RPH3A: variants seen among roughly 807,000 people sequenced by gnomAD.
The protein encoded by RPH3A is rabphilin-3A.
Under a neutral mutation model 102.2 loss-of-function variants are expected in RPH3A, and 48 were observed. The ratio of observed to expected loss-of-function variants is 0.47; its 90% CI spans 0.37 to 0.60. The LOEUF is 0.60. Among genes scored for constraint, RPH3A ranks in the 20% least tolerant of loss-of-function variants. The probability of loss-of-function intolerance (pLI) is 0.00; values close to 1 mark genes in which losing one functional copy is unlikely to be tolerated. For synonymous variants in RPH3A, 310 were observed against 324.3 expected, an observed-to-expected ratio of 0.96 and a Z score of 0.47; for missense variants, 781 against 910.1, an observed-to-expected ratio of 0.86 and a Z score of 1.83.
intron 5 of RPH3A, among the ~76,000 whole-genome samples, chr12:112,856,504 G>A (rs2042414008): frequency 6.6e-6 from 1 of 152,012 alleles, no homozygotes; most frequent in Non-Finnish European, 1.5e-5. Context: ...GTGTGTGTGT[G>A]TGTGTGTGTA....
At chr12:112,682,351 CTTTCTTTTT>C (rs1383186817) in intron 1 of RPH3A, among the ~76,000 whole-genome samples, 7 of 77,692 alleles carry the variant, frequency 9.0e-5, no homozygotes, top group Middle Eastern at 5.9e-3. Context: ...TTTTTTCTTT[CTTTCTTTTT>C]TTTTTTTTTT....
At chr12:112,727,081 G>A (rs1229017264) in intron 1 of RPH3A, among the ~76,000 whole-genome samples, 2 of 151,846 alleles carry the variant, frequency 1.3e-5, no homozygotes, top group Non-Finnish European at 2.9e-5. Flanking sequence ...GGGAACTAAG[G>A]CTTTCTCAGG....
chr12:112,877,528 T>C (rs910526331), intron 13 of RPH3A, among the ~76,000 whole-genome samples: 1 of 151,920 alleles, frequency 6.6e-6, no homozygotes, highest in Non-Finnish European at 1.5e-5. Flanking sequence ...AGAGGTAGAA[T>C]TGGCAAGTGT....
chr12:112,649,655 G>A (rs2039959526), intron 1 of RPH3A, among the ~76,000 whole-genome samples: 2 of 152,208 alleles, frequency 1.3e-5, no homozygotes, highest in Admixed American at 1.3e-4. Context: ...GCTCCAGGAA[G>A]GCAGACACCT....
intron 2 of RPH3A, among the ~76,000 whole-genome samples, chr12:112,795,433 AT>A (rs983679471): frequency 1.3e-5 from 2 of 152,196 alleles, no homozygotes; most frequent in African/African-American, 4.8e-5. Flanking sequence ...GCCACCCAGG[AT>A]GGAGAGCCTT....
At position 112,868,508 on chromosome 12, in the gene RPH3A, A is replaced by T. The variant is rs1458778323; in HGVS notation, c.523A>T (p.Thr175Ser). The T allele has an allele frequency of 4.3e-6, 7 of 1,613,956 alleles. No homozygotes were observed. The African/African-American group carries it at 9.3e-5, about 22-fold the overall frequency. Residue 175 changes from threonine to serine, a missense_variant, in exon 8 of 22, where the codon ACC becomes TCC. Around this residue, in one of 2 missense-constraint regions of RPH3A, gnomAD observed 730 missense variants for 810.0 expected, o/e 0.90. Transcript: ENST00000389385. The stretch of plus-strand genomic sequence containing the variant: ...CCCACAGCCTATGCCTATAAAGAAG[A>T]CCAAGCCCCAGCAGCCTGTCAGTGA... ...VLPQPMPIKK[T>S]KPQQPVSEPA...
At chr12:112,714,881 TA>T in intron 1 of RPH3A, among the ~76,000 whole-genome samples, 1 of 152,358 alleles carries the variant, frequency 6.6e-6, no homozygotes, top group South Asian at 2.1e-4. Context: ...ATAGCCGGTC[TA>T]TTTTTGCTTC....
intron 3 of RPH3A, among the ~76,000 whole-genome samples, chr12:112,834,195 T>C (rs531155322): frequency 2.4e-4 from 37 of 152,356 alleles, no homozygotes; most frequent in Non-Finnish European, 4.3e-4. Flanking sequence ...TTGCATTTTC[T>C]GGAATTTCAT....
At chr12:112,857,768 C>T (rs988945614) in intron 5 of RPH3A, among the ~76,000 whole-genome samples, 6 of 152,192 alleles carry the variant, frequency 3.9e-5, no homozygotes, top group Non-Finnish European at 5.9e-5. Context: ...CGTGCAATGG[C>T]ATTTTGTGGC....
At chr12:112,816,254 A>G (rs2041669951) in intron 2 of RPH3A, among the ~76,000 whole-genome samples, 1 of 152,234 alleles carries the variant, frequency 6.6e-6, no homozygotes, top group South Asian at 2.1e-4. Context: ...AAAGTGGGTC[A>G]TGTAAGATCC....
intron 1 of RPH3A, among the ~76,000 whole-genome samples, chr12:112,759,501 C>T (rs1338557642): frequency 6.6e-6 from 1 of 152,126 alleles, no homozygotes; most frequent in Non-Finnish European, 1.5e-5. Flanking sequence ...GAGAGTGCTG[C>T]TTGATGAATG....
chr12:112,841,418 T>C (rs370227439), intron 4 of RPH3A, among the ~76,000 whole-genome samples: 87 of 152,076 alleles, frequency 5.7e-4, no homozygotes, highest in African/African-American at 2.0e-3. Flanking sequence ...ACGCAAGACA[T>C]CCCTCCTGGA....
chr12:112,627,468 G>T (rs953973422), intron 1 of RPH3A, among the ~76,000 whole-genome samples: 1 of 150,104 alleles, frequency 6.7e-6, no homozygotes, highest in Non-Finnish European at 1.5e-5. Context: ...ATAATATGTA[G>T]GTATAATATA....
At chr12:112,603,059 T>C (rs2135969784) in intron 1 of RPH3A, among the ~76,000 whole-genome samples, 2 of 152,212 alleles carry the variant, frequency 1.3e-5, no homozygotes, top group South Asian at 4.2e-4. Flanking sequence ...AAAAGGGGTA[T>C]GATCTAATGG....
chr12:112,876,850 C>A lies in RPH3A; in HGVS notation c.1155C>A (p.Tyr385Ter). ...PEEEEEEANS[Y>*]DSDEATTLGA... is the part of the protein sequence containing the mutation. ...AGGAGGAAGAGGAAGCCAACAGCTA[C>A]GATTCGGATGAAGCAAGTAGGTGGT... is the stretch of plus-strand genomic sequence containing the variant. Residue 385 changes from tyrosine (Y) to a stop codon, truncating the protein, a stop_gained, in exon 13 of 22, where the codon TAC becomes TAA. Coordinates refer to ENST00000389385, the MANE Select transcript of RPH3A (RefSeq NM_001143854.2). LOFTEE classifies it high-confidence loss of function. The A allele has an allele frequency of 6.2e-7, 1 of 1,601,356 alleles. No homozygotes were observed. Among genetic ancestry groups the A allele is most frequent in the Non-Finnish European group, 8.5e-7 (1 of 1,172,908 alleles).
intron 10 of RPH3A, chr12:112,874,824 C>T: frequency 4.4e-6 from 2 of 449,724 alleles, no homozygotes; most frequent in Non-Finnish European, 8.0e-6. Context: ...GTCACTTGAG[C>T]AACGTCACAC....
At chr12:112,781,988 G>A (rs60576940) in intron 1 of RPH3A, among the ~76,000 whole-genome samples, 4,683 of 152,268 alleles carry the variant, frequency 0.031, 79 homozygotes, top group African/African-American at 0.039. Context: ...ACTTTCCCAC[G>A]CTGGGGATCA....
chr12:112,896,580 A>G lies in RPH3A; in HGVS notation c.1955-70A>G. 3 of 1,583,284 alleles carry G rather than the reference A, an allele frequency of 1.9e-6. No homozygotes were observed. The South Asian group carries it at 3.4e-5, about 18-fold the overall frequency. ...CACTGCTTGGTGCAGTTTTTTCCCC[A>G]ACTACACATTTGGGTCTAGAACGAC... On this transcript the variant is annotated intron_variant, in intron 21 of 21. Transcript: ENST00000389385.
At chr12:112,683,719 T>C (rs2040242867) in intron 1 of RPH3A, among the ~76,000 whole-genome samples, 1 of 152,188 alleles carries the variant, frequency 6.6e-6, no homozygotes, top group Admixed American at 6.5e-5. Context: ...CCCACACCTC[T>C]TTTGTTGATG....
Sources: allele counts gnomAD v4.1 joint callset (sites outside exome capture counted in the v4.1 genomes callset), GRCh38; gene constraint gnomAD v4.1.1; regional missense constraint gnomAD v4.1.1; transcripts MANE v1.5; gene names NCBI Gene and HGNC (gene_info 2026-07-23, HGNC 2026-07-21).